VMA12: variants seen among roughly 807,000 people sequenced by gnomAD.
VMA12 encodes the protein vacuolar ATPase assembly protein VMA12.
the VMA12 span, chr17:28,359,548 C>T: frequency 1.5e-6 from 1 of 664,874 alleles, no homozygotes; most frequent in South Asian, 2.1e-5. Flanking sequence ...ATACAAACAA[C>T]ACAGTTCCCA....
At chr17:28,360,359 C>T in the VMA12 span, 495 of 617,880 alleles carry the variant, frequency 8.0e-4, 3 homozygotes, top group African/African-American at 5.8e-3. Context: ...GTCCTCTCTC[C>T]GAAATGCCTG....
At chr17:28,361,063 G>A in the VMA12 span, 83 of 1,221,428 alleles carry the variant, frequency 6.8e-5, no homozygotes, top group Middle Eastern at 8.0e-4. Context: ...AACTTAGAGG[G>A]TGGTTGGGGG....
chr17:28,359,190 A>G, the VMA12 span: 1 of 1,013,564 alleles, frequency 9.9e-7, no homozygotes, highest in Non-Finnish European at 1.5e-6. Flanking sequence ...AAAGCACTGG[A>G]GTTACGACTA....
chr17:28,360,923 C>G, the VMA12 span: 1 of 1,272,572 alleles, frequency 7.9e-7, no homozygotes, highest in South Asian at 1.2e-5. Flanking sequence ...TGTGAAAGTG[C>G]CTTGCACAGG....
the VMA12 span, chr17:28,363,355 T>A: frequency 6.6e-6 from 1 of 152,014 alleles, no homozygotes; most frequent in Non-Finnish European, 1.5e-5. Flanking sequence ...CAATTAACTA[T>A]CCCTCTAATC....
At chr17:28,358,504 TG>T in the VMA12 span, 1 of 473,810 alleles carries the variant, frequency 2.1e-6, no homozygotes. Flanking sequence ...CAGCCAGAAG[TG>T]CAAAGGGTAG....
chr17:28,358,158 C>T, the VMA12 span: 2 of 502,042 alleles, frequency 4.0e-6, no homozygotes, highest in Non-Finnish European at 7.2e-6. Flanking sequence ...AGGTTTTTAC[C>T]AAATACAAAT....
At chr17:28,359,475 C>T in the VMA12 span, 9 of 1,450,858 alleles carry the variant, frequency 6.2e-6, no homozygotes, top group South Asian at 1.2e-5. Context: ...GAAGAAGATA[C>T]AGAGTTTAGA....
At chr17:28,357,843 G>C in the VMA12 span, 1 of 1,614,088 alleles carries the variant, frequency 6.2e-7, no homozygotes, top group Non-Finnish European at 8.5e-7. Context: ...GTTTCTTTCC[G>C]TCTCATCCGG....
the VMA12 span, chr17:28,361,998 C>G: frequency 6.6e-6 from 1 of 152,200 alleles, no homozygotes; most frequent in Admixed American, 6.5e-5. Context: ...ATGATAGAGT[C>G]TGTATAACGC....
At chr17:28,360,898 G>A in the VMA12 span, 96 of 1,488,630 alleles carry the variant, frequency 6.4e-5, no homozygotes, top group Non-Finnish European at 8.2e-5. Flanking sequence ...GTGTTAGTGG[G>A]TAAGGGAGGA....
At chr17:28,357,841 C>A in the VMA12 span, 4 of 1,614,012 alleles carry the variant, frequency 2.5e-6, no homozygotes, top group Non-Finnish European at 3.4e-6. Flanking sequence ...TGGTTTCTTT[C>A]CGTCTCATCC....
the VMA12 span, chr17:28,357,662 C>G: frequency 1.9e-6 from 3 of 1,611,182 alleles, no homozygotes; most frequent in Non-Finnish European, 2.5e-6. Flanking sequence ...ACCGGAGAGC[C>G]GGCTAGATAT....
chr17:28,361,505 A>G, the VMA12 span: 4 of 464,580 alleles, frequency 8.6e-6, no homozygotes, highest in Non-Finnish European at 1.6e-5. Context: ...CCTCTTCCTG[A>G]ATCTGGTACC....
At chr17:28,357,652 A>C in the VMA12 span, 1 of 1,610,264 alleles carries the variant, frequency 6.2e-7, no homozygotes, top group Non-Finnish European at 8.5e-7. Flanking sequence ...GGGTCACCTG[A>C]CCGGAGAGCC....
At chr17:28,361,052 C>A in the VMA12 span, 2 of 1,156,320 alleles carry the variant, frequency 1.7e-6, no homozygotes, top group East Asian at 4.7e-5. Flanking sequence ...TCCCCTCCCC[C>A]AACTTAGAGG....
the VMA12 span, chr17:28,357,717 G>T: frequency 6.2e-7 from 1 of 1,613,184 alleles, no homozygotes; most frequent in Non-Finnish European, 8.5e-7. Context: ...CGTGCTTTGG[G>T]CCCCGGCGGG....
the VMA12 span, chr17:28,361,579 T>C: frequency 7.0e-6 from 2 of 286,594 alleles, no homozygotes; most frequent in African/African-American, 4.3e-5. Context: ...CAGGAGCAAA[T>C]GGAATCCAGG....
chr17:28,359,615 G>A, the VMA12 span: 1 of 391,218 alleles, frequency 2.6e-6, no homozygotes, highest in East Asian at 3.9e-5. Context: ...CGTCATAGAA[G>A]TGGGAGTTAG....
Sources: allele counts gnomAD v4.1 joint callset, GRCh38; gene constraint gnomAD v4.1.1; transcripts MANE v1.5; gene names NCBI Gene and HGNC (gene_info 2026-07-23, HGNC 2026-07-21).